Variants in CTNNBL1 observed in about 807,000 individuals in gnomAD.
CTNNBL1 encodes the protein beta-catenin-like protein 1.
Under a neutral mutation model 72.7 loss-of-function variants are expected in CTNNBL1, and 31 were observed. The ratio of observed to expected loss-of-function variants is 0.43; its 90% CI spans 0.32 to 0.58. The LOEUF is 0.58. Ranked by LOEUF, CTNNBL1 falls within the 20% of genes least tolerant of loss-of-function variation. The probability of loss-of-function intolerance (pLI) is 0.08; values close to 1 mark genes in which losing one functional copy is unlikely to be tolerated. For missense variants in CTNNBL1, 534 were observed against 725.1 expected (o/e 0.74, Z 3.03); for synonymous variants, 240 against 267.3 (o/e 0.90, Z 1.00).
At chr20:37,847,888 A>C (rs2072359965) in intron 13 of CTNNBL1, 1 of 152,878 alleles carries the variant, frequency 6.5e-6, no homozygotes, top group Admixed American at 6.5e-5. Context: ...CTTGTAATGA[A>C]ACAGTATCCA....
chr20:37,742,234 A>G (rs1274669292), intron 3 of CTNNBL1, among the ~76,000 whole-genome samples: 1 of 152,236 alleles, frequency 6.6e-6, no homozygotes, highest in Non-Finnish European at 1.5e-5. Context: ...TTTTAGGGTC[A>G]TTGAATCAGC....
intron 11 of CTNNBL1, among the ~76,000 whole-genome samples, chr20:37,831,509 G>T (rs916012879): frequency 7.2e-5 from 11 of 152,002 alleles, no homozygotes; most frequent in African/African-American, 2.4e-4. Context: ...GGGACTACAG[G>T]TGCCCGCCAC....
At chr20:37,818,402 C>T (rs2122765659) in intron 11 of CTNNBL1, among the ~76,000 whole-genome samples, 1 of 152,254 alleles carries the variant, frequency 6.6e-6, no homozygotes, top group South Asian at 2.1e-4. Flanking sequence ...GTAGAAATTT[C>T]CCAAGTGGAC....
chr20:37,826,224 A>G (rs1323446671), intron 11 of CTNNBL1, among the ~76,000 whole-genome samples: 3 of 152,200 alleles, frequency 2.0e-5, no homozygotes, highest in African/African-American at 4.8e-5. Context: ...TGCAAGGCAC[A>G]TTTTCCCACA....
chr20:37,757,805 A>G, intron 5 of CTNNBL1, 149 bp downstream of exon 5: 2 of 614,068 alleles, frequency 3.3e-6, no homozygotes, highest in South Asian at 3.9e-5. Flanking sequence ...GTAAAAAAGT[A>G]GAGATGTGGC....
intron 1 of CTNNBL1, among the ~76,000 whole-genome samples, chr20:37,722,326 T>C (rs1456541476): frequency 2.0e-5 from 3 of 151,896 alleles, no homozygotes; most frequent in Admixed American, 2.0e-4. Flanking sequence ...ATACAAAAAT[T>C]AGCCAGGTGT....
rs2072438822 is a variant in CTNNBL1, at chr20:37,856,175, G to A, written c.1393-3724G>A. Among the ~76,000 whole-genome samples, 4 of 148,134 alleles carry A rather than the reference G, an allele frequency of 2.7e-5. No individual in the cohort carries two copies. The South Asian group carries it at 8.8e-4, about 33-fold the overall frequency. On this transcript the variant is annotated intron_variant, in intron 13 of 15. Coordinates refer to ENST00000361383, the MANE Select transcript of CTNNBL1 (RefSeq NM_030877.5). Reference sequence around the variant, plus strand: ...TCGCTTGAACCCGGCACTCCAGCCTGGGTGACAAGAGCAAAACTCCTTCTC... The same window carrying A: ...TCGCTTGAACCCGGCACTCCAGCCTAGGTGACAAGAGCAAAACTCCTTCTC...
At chr20:37,726,108 A>G (rs1190537155) in intron 1 of CTNNBL1, among the ~76,000 whole-genome samples, 1 of 152,244 alleles carries the variant, frequency 6.6e-6, no homozygotes. Context: ...TAGAGGGAGT[A>G]ACTTACTTTC....
rs139318529 is a variant in CTNNBL1 at position 37,772,016 on chromosome 20, C to T, written c.750+3972C>T. 3.6e-3 allele frequency among the ~76,000 whole-genome samples: 554 copies of T among 152,306 alleles called. 5 individuals carry two copies. The highest frequency in any genetic ancestry group is 0.013 in the African/African-American group (522 of 41,568). On this transcript the variant is annotated intron_variant, in intron 7 of 15. Coordinates refer to ENST00000361383, the MANE Select transcript of CTNNBL1 (RefSeq NM_030877.5). ...GGTTCTCTTGCAAGAGTTGGCCTAT[C>T]TGGGTTCTAGCATCTACCCGTAACT...
chr20:37,871,631 G>T lies in CTNNBL1; in HGVS notation c.1604-294G>T, dbSNP rs541833518. On this transcript the variant is annotated intron_variant, in intron 15 of 15. Coordinates refer to ENST00000361383, the MANE Select transcript of CTNNBL1 (RefSeq NM_030877.5). ...GAGGTTTCAGCATGAGTTTTGGAGG[G>T]GACACAAACATTCAGACCTTAGTAG... 1.0e-3 allele frequency among the ~76,000 whole-genome samples: 155 copies of T among 152,176 alleles called. 2 individuals are homozygous for T. Among genetic ancestry groups the T allele is most frequent in the African/African-American group, 2.5e-3 (104 of 41,516 alleles).
At position 37,872,009 on chromosome 20, in the gene CTNNBL1, T is replaced by C. The variant is rs747521273; in HGVS notation, c.1688T>C (p.Phe563Ser). ...QKRILGLLENF is the reference protein window; with the variant it reads ...QKRILGLLENS ...CGCATCCTGGGCTTGCTGGAGAACT[T>C]CTAGAGGCACCTTGGCCCTGCGCAT... Residue 563 changes from phenylalanine to serine, a missense_variant, in exon 16 of 16, where the codon TTC becomes TCC. Coordinates refer to ENST00000361383, the MANE Select transcript of CTNNBL1 (RefSeq NM_030877.5). 1.9e-6 allele frequency: 3 copies of C among 1,613,854 alleles called. No individual in the cohort carries two copies. The South Asian group carries it at 3.3e-5, about 18-fold the overall frequency.
chr20:37,779,619 T>C (rs1371609068), intron 10 of CTNNBL1, among the ~76,000 whole-genome samples: 1 of 152,178 alleles, frequency 6.6e-6, no homozygotes, highest in African/African-American at 2.4e-5. Flanking sequence ...TTTCCTCTCC[T>C]TCCCATAGTG....
In CTNNBL1 at chr20:37,760,319, C is replaced by T. The variant is rs147613470; in HGVS notation, c.564+2663C>T. ...TGCCAGTCCCCAAACTTGCCATGTGCTAGGTAGTCCCATGCCTTCGCTCAT... is the reference window on the plus strand; with the variant it reads ...TGCCAGTCCCCAAACTTGCCATGTGTTAGGTAGTCCCATGCCTTCGCTCAT... On this transcript the variant is annotated intron_variant, in intron 5 of 15. Transcript: ENST00000361383. Among the ~76,000 whole-genome samples, 97 of 152,318 alleles carry T rather than the reference C, an allele frequency of 6.4e-4. 1 individual carries two copies. In the South Asian group the frequency reaches 8.3e-3, roughly 13 times the overall value.
Position 37,777,372 on chromosome 20 carries a change from C to G in CTNNBL1, c.778C>G (p.Leu260Val). 2 of 1,613,858 alleles carry G rather than the reference C, an allele frequency of 1.2e-6. No individual in the cohort carries two copies. Among genetic ancestry groups the G allele is most frequent in the African/African-American group, 2.7e-5 (2 of 75,034 alleles). Residue 260 changes from leucine (L) to valine (V), a missense_variant, in exon 8 of 16, where the codon CTG (leucine) becomes GTG (valine). By Grantham distance (32) the Leu-to-Val change is conservative. Transcript: ENST00000361383. ...KAKMPFDANKLYCSEVLAILL... is the reference protein window; with the variant it reads ...KAKMPFDANKVYCSEVLAILL... ...AAAGATGCCTTTTGATGCCAACAAACTGTATTGCAGTGAAGTGCTGGCCAT... is the reference window on the plus strand; with the variant it reads ...AAAGATGCCTTTTGATGCCAACAAAGTGTATTGCAGTGAAGTGCTGGCCAT...
chr20:37,775,701 T>C (rs2073567658), intron 7 of CTNNBL1, among the ~76,000 whole-genome samples: 1 of 152,232 alleles, frequency 6.6e-6, no homozygotes, highest in Non-Finnish European at 1.5e-5. Flanking sequence ...CTTGCTTAAT[T>C]CTGTGTCTTC....
At chr20:37,855,860 A>G (rs1326408272) in intron 13 of CTNNBL1, among the ~76,000 whole-genome samples, 1 of 152,136 alleles carries the variant, frequency 6.6e-6, no homozygotes, top group Non-Finnish European at 1.5e-5. Context: ...CAGCCATGCA[A>G]ATCTCAGCAC....
intron 1 of CTNNBL1, among the ~76,000 whole-genome samples, chr20:37,731,589 AGCCTCTG>A (rs1179633521): frequency 4.6e-5 from 7 of 152,218 alleles, no homozygotes; most frequent in African/African-American, 1.7e-4. Context: ...CTTCCTCCCC[AGCCTCTG>A]GTGACGATCA....
chr20:37,699,800 G>A (rs191319060), intron 1 of CTNNBL1, among the ~76,000 whole-genome samples: 88 of 152,162 alleles, frequency 5.8e-4, no homozygotes, highest in African/African-American at 2.0e-3. Context: ...GTGATCCCCT[G>A]GTCTAAAATG....
intron 15 of CTNNBL1, among the ~76,000 whole-genome samples, chr20:37,863,024 C>T (rs1246122298): frequency 6.6e-6 from 1 of 152,154 alleles, no homozygotes; most frequent in East Asian, 1.9e-4. Flanking sequence ...TTCACTGTGT[C>T]TCCTCAGCAC....
Sources: allele counts gnomAD v4.1 joint callset (sites outside exome capture counted in the v4.1 genomes callset), GRCh38; gene constraint gnomAD v4.1.1; transcripts MANE v1.5; gene names NCBI Gene and HGNC (gene_info 2026-07-23, HGNC 2026-07-21).